Variants in FRMD4A observed in about 807,000 individuals in gnomAD.
FRMD4A encodes the protein FERM domain-containing protein 4A.
A neutral mutation model predicts 129.1 loss-of-function variants in FRMD4A; 29 were observed. That is an observed-to-expected ratio of 0.22 (90% confidence interval 0.17 to 0.31). The LOEUF (loss-of-function observed/expected upper bound fraction) is 0.31. Among genes scored for constraint, FRMD4A ranks in the 10% least tolerant of loss-of-function variants. The probability of loss-of-function intolerance (pLI) is 1.00; values close to 1 mark genes in which losing one functional copy is unlikely to be tolerated. For synonymous variants in FRMD4A, 634 were observed against 571.6 expected (o/e 1.11, Z -1.56); for missense variants, 1,272 against 1,375.8 (o/e 0.92, Z 1.19).
At chr10:13,849,613 T>C (rs944732219) in intron 3 of FRMD4A, among the ~76,000 whole-genome samples, 3 of 151,506 alleles carry the variant, frequency 2.0e-5, no homozygotes, top group African/African-American at 7.3e-5. Flanking sequence ...CCCGAGTAGC[T>C]GGGATACAGG....
chr10:14,195,147 T>C (rs929566534), intron 2 of FRMD4A, among the ~76,000 whole-genome samples: 8 of 152,192 alleles, frequency 5.3e-5, no homozygotes, highest in African/African-American at 1.9e-4. Flanking sequence ...ACATCAAAAA[T>C]AATCCACCAG....
intron 17 of FRMD4A, 107 bp from the exon 18 acceptor site, chr10:13,666,432 C>G (rs2083042277): frequency 9.6e-6 from 7 of 727,184 alleles, no homozygotes; most frequent in Non-Finnish European, 1.6e-5. Context: ...GGGAGACACT[C>G]TTAAGAGTAG....
intron 8 of FRMD4A, among the ~76,000 whole-genome samples, chr10:13,753,541 ATT>A (rs35813128): frequency 6.9e-4 from 79 of 115,232 alleles, no homozygotes; most frequent in African/African-American, 1.8e-3. Context: ...GTACCTTTCT[ATT>A]TTTTTTTTTT....
At chr10:14,193,474 CCA>C (rs1238709830) in intron 2 of FRMD4A, among the ~76,000 whole-genome samples, 39 of 134,866 alleles carry the variant, frequency 2.9e-4, no homozygotes, top group Admixed American at 1.4e-3. Context: ...ACCCACCCAC[CCA>C]CACACACACA....
chr10:14,096,502 C>T (rs1256482345), intron 2 of FRMD4A, among the ~76,000 whole-genome samples: 1 of 152,162 alleles, frequency 6.6e-6, no homozygotes, highest in African/African-American at 2.4e-5. Context: ...GATGTGAGTT[C>T]CTAACAGAAA....
intron 2 of FRMD4A, among the ~76,000 whole-genome samples, chr10:14,014,383 T>C (rs11258796): frequency 0.63 from 96,177 of 152,002 alleles, 32,493 homozygotes; most frequent in Non-Finnish European, 0.76. Flanking sequence ...AATACAAAAA[T>C]GAAAAATAGC....
At chr10:13,707,532 G>C (rs2087588103) in intron 12 of FRMD4A, 1 of 1,004,656 alleles carries the variant, frequency 1.0e-6, no homozygotes, top group African/African-American at 1.7e-5. Flanking sequence ...GAGCGCTCAG[G>C]AGGGAGCGGT....
intron 3 of FRMD4A, among the ~76,000 whole-genome samples, chr10:13,830,895 T>C (rs534557619): frequency 2.6e-5 from 4 of 152,260 alleles, no homozygotes; most frequent in Non-Finnish European, 5.9e-5. Flanking sequence ...GTTCAAGTGA[T>C]TCTCATGCCT....
chr10:14,171,474 C>T (rs978607151), intron 2 of FRMD4A, among the ~76,000 whole-genome samples: 1 of 152,218 alleles, frequency 6.6e-6, no homozygotes, highest in Non-Finnish European at 1.5e-5. Context: ...CCAGCTGCCA[C>T]CCTGTCTGTT....
chr10:13,939,567 T>C (rs150524851), intron 2 of FRMD4A, among the ~76,000 whole-genome samples: 2 of 152,330 alleles, frequency 1.3e-5, no homozygotes, highest in East Asian at 1.9e-4. Flanking sequence ...AGTTTGAATG[T>C]TATTTTTTCC....
intron 8 of FRMD4A, among the ~76,000 whole-genome samples, chr10:13,755,381 A>T (rs2091816860): frequency 6.6e-6 from 1 of 152,200 alleles, no homozygotes; most frequent in Non-Finnish European, 1.5e-5. Context: ...AGAAAGAGAA[A>T]ACCAAGAAGG....
intron 2 of FRMD4A, among the ~76,000 whole-genome samples, chr10:13,916,257 G>A (rs186532256): frequency 2.6e-5 from 4 of 152,274 alleles, no homozygotes; most frequent in East Asian, 1.9e-4. Flanking sequence ...CCTGGTCACC[G>A]CTGTAGATTG....
At chr10:14,242,408 A>C (rs1218398) in intron 2 of FRMD4A, among the ~76,000 whole-genome samples, 70,698 of 152,066 alleles carry the variant, frequency 0.46, 17,503 homozygotes, top group Non-Finnish European at 0.54. Flanking sequence ...TTATTATATT[A>C]GATTTTGCAG....
intron 2 of FRMD4A, among the ~76,000 whole-genome samples, chr10:14,158,376 C>G (rs1052041079): frequency 4.0e-5 from 6 of 151,874 alleles, no homozygotes; most frequent in African/African-American, 1.5e-4. Context: ...TTTGGGAGGC[C>G]GAGGCAGGAA....
chr10:13,867,513 A>C (rs1351757410), intron 2 of FRMD4A, among the ~76,000 whole-genome samples: 1 of 148,852 alleles, frequency 6.7e-6, no homozygotes, highest in Non-Finnish European at 1.5e-5. Flanking sequence ...TTCCCACCAC[A>C]GCCTCCCAAA....
intron 2 of FRMD4A, among the ~76,000 whole-genome samples, chr10:14,087,281 ATG>A (rs927430199): frequency 1.1e-4 from 16 of 147,420 alleles, no homozygotes; most frequent in African/African-American, 2.2e-4. Context: ...TAATTAATAT[ATG>A]TGTTATATAT....
intron 2 of FRMD4A, among the ~76,000 whole-genome samples, chr10:14,182,813 G>A (rs1841956596): frequency 6.6e-6 from 1 of 152,194 alleles, no homozygotes; most frequent in Non-Finnish European, 1.5e-5. Context: ...AACAATCACA[G>A]AAACCTTCTG....
chr10:13,702,192 C>T (rs927749516), intron 13 of FRMD4A, among the ~76,000 whole-genome samples: 1 of 152,174 alleles, frequency 6.6e-6, no homozygotes, highest in African/African-American at 2.4e-5. Flanking sequence ...CTGCTTCAGC[C>T]TTCTAAGTAG....
At chr10:13,762,487 C>G (rs1433004687) in intron 7 of FRMD4A, 137 bp downstream of exon 7, 8 of 618,176 alleles carry the variant, frequency 1.3e-5, no homozygotes, top group Non-Finnish European at 2.0e-5. Context: ...TCTAATAGCT[C>G]TATGCAGCTT....
Sources: gnomAD v4.1 joint callset for allele counts (sites outside exome capture counted in the v4.1 genomes callset) on GRCh38, gnomAD v4.1.1 for gene constraint, MANE v1.5 for transcripts, NCBI Gene and HGNC (gene_info 2026-07-23, HGNC 2026-07-21) for gene names.